The following IQCJ variants were observed in gnomAD, a reference collection of about 807,000 sequenced individuals.
IQCJ encodes the protein IQ motif containing J, also known as IQ domain-containing protein J.
A neutral mutation model predicts 11.0 loss-of-function variants in IQCJ; 9 were observed. The observed-to-expected ratio is 0.82, with a 90% CI of 0.49 to 1.43. IQCJ has a LOEUF of 1.43. Ranked by LOEUF, IQCJ falls within the 40% of genes most tolerant of loss-of-function variation. The probability of loss-of-function intolerance (pLI) is 0.00; values close to 1 mark genes in which losing one functional copy is unlikely to be tolerated. For missense variants in IQCJ, 146 were observed against 133.2 expected, an observed-to-expected ratio of 1.10 and a Z score of -0.47; for synonymous variants, 55 against 51.3, an observed-to-expected ratio of 1.07 and a Z score of -0.31.
intron 1 of IQCJ, among the ~76,000 whole-genome samples, chr3:159,138,379 C>G (rs1410816121): frequency 6.6e-6 from 1 of 152,152 alleles, no homozygotes; most frequent in Non-Finnish European, 1.5e-5. Flanking sequence ...TACTATCCTC[C>G]TTTTCATAGC....
chr3:159,160,891 A>G (rs1577050511), intron 1 of IQCJ, among the ~76,000 whole-genome samples: 2 of 152,136 alleles, frequency 1.3e-5, no homozygotes, highest in Non-Finnish European at 2.9e-5. Flanking sequence ...ATAGTATTCC[A>G]TGGTGTATAT....
rs1728298539 is a variant in IQCJ, at chr3:159,262,876, C to T, written c.*145C>T. On this transcript the variant is annotated 3_prime_UTR_variant, in exon 4 of 4. Transcript: ENST00000397832. Reference sequence around the variant, plus strand: ...AAAATAAAGACACAATTCATAAGCACAAAGTGAACTTTATCAAGTCTGGAG... The same window carrying T: ...AAAATAAAGACACAATTCATAAGCATAAAGTGAACTTTATCAAGTCTGGAG... The T allele has an allele frequency of 1.4e-6, 2 of 1,403,046 alleles. No individual in the cohort carries two copies. Among genetic ancestry groups the T allele is most frequent in the African/African-American group, 1.4e-5 (1 of 69,738 alleles). 86.9% of individuals were successfully genotyped at this position (1,403,046 alleles called of 1,614,324 possible).
intron 3 of IQCJ, among the ~76,000 whole-genome samples, chr3:159,259,053 C>T (rs1728059397): frequency 1.3e-5 from 2 of 152,104 alleles, no homozygotes; most frequent in Non-Finnish European, 2.9e-5. Flanking sequence ...CTCTAAGCAC[C>T]CTAGCTCTCT....
intron 2 of IQCJ, among the ~76,000 whole-genome samples, chr3:159,249,316 C>A (rs572023072): frequency 6.6e-6 from 1 of 152,164 alleles, no homozygotes; most frequent in Non-Finnish European, 1.5e-5. Context: ...TTTCCATCTG[C>A]CCCACCCTAC....
chr3:159,211,367 T>C (rs140950823), intron 1 of IQCJ, among the ~76,000 whole-genome samples: 3 of 152,286 alleles, frequency 2.0e-5, no homozygotes, highest in Non-Finnish European at 4.4e-5. Context: ...AAGGAGGTTA[T>C]GTAGATTATT....
intron 1 of IQCJ, among the ~76,000 whole-genome samples, chr3:159,203,959 A>G (rs1377610780): frequency 6.6e-6 from 1 of 152,120 alleles, no homozygotes; most frequent in Non-Finnish European, 1.5e-5. Context: ...TTGTATATTT[A>G]ACAGGGTCAG....
chr3:159,080,153 A>G (rs1716213471), intron 1 of IQCJ, among the ~76,000 whole-genome samples: 2 of 152,154 alleles, frequency 1.3e-5, no homozygotes, highest in South Asian at 2.1e-4. Flanking sequence ...ATATCTTAAG[A>G]CAGTATGTTA....
At chr3:159,231,781 G>T (rs1345048190) in intron 1 of IQCJ, among the ~76,000 whole-genome samples, 1 of 152,106 alleles carries the variant, frequency 6.6e-6, no homozygotes, top group East Asian at 1.9e-4. Context: ...TTGTTGGTAG[G>T]CTATTAATTA....
chr3:159,140,297 A>G (rs1304819451), intron 1 of IQCJ, among the ~76,000 whole-genome samples: 2 of 152,200 alleles, frequency 1.3e-5, no homozygotes, highest in African/African-American at 4.8e-5. Context: ...TAGCAATGAT[A>G]AAGGCCTTCT....
At chr3:159,221,227 C>T (rs914364198) in intron 1 of IQCJ, among the ~76,000 whole-genome samples, 3 of 152,068 alleles carry the variant, frequency 2.0e-5, no homozygotes, top group Non-Finnish European at 4.4e-5. Context: ...AGTGCTTAAC[C>T]TCTTGGAGTT....
intron 1 of IQCJ, among the ~76,000 whole-genome samples, chr3:159,181,136 G>A (rs1286317329): frequency 6.6e-6 from 1 of 151,776 alleles, no homozygotes. Context: ...CCTGGGCAAT[G>A]GAAACGAACA....
At chr3:159,109,938 A>C (rs962986982) in intron 1 of IQCJ, among the ~76,000 whole-genome samples, 3 of 152,204 alleles carry the variant, frequency 2.0e-5, no homozygotes, top group Non-Finnish European at 1.5e-5. Context: ...TTGCGTATGG[A>C]GCATCACTCC....
intron 1 of IQCJ, among the ~76,000 whole-genome samples, chr3:159,156,721 G>C (rs1290606739): frequency 6.6e-6 from 1 of 152,138 alleles, no homozygotes; most frequent in Non-Finnish European, 1.5e-5. Context: ...AGCTCCAGGT[G>C]TTCCACTTTT....
intron 1 of IQCJ, among the ~76,000 whole-genome samples, chr3:159,151,963 A>T (rs1721255228): frequency 1.3e-5 from 2 of 152,182 alleles, no homozygotes; most frequent in African/African-American, 2.4e-5. Flanking sequence ...GACTCCTTCT[A>T]AATATCAGAT....
At chr3:159,189,011 G>A (rs1723531365) in intron 1 of IQCJ, among the ~76,000 whole-genome samples, 1 of 152,126 alleles carries the variant, frequency 6.6e-6, no homozygotes. Flanking sequence ...GGTTGGGAGA[G>A]GGAATATTGT....
chr3:159,172,420 AT>A (rs11304078), intron 1 of IQCJ, among the ~76,000 whole-genome samples: 11,863 of 150,628 alleles, frequency 0.079, 1,599 homozygotes, highest in African/African-American at 0.27. Context: ...AGATGATGGA[AT>A]TTTTTTTTTC....
chr3:159,135,086 A>G (rs1474457485), intron 1 of IQCJ, among the ~76,000 whole-genome samples: 1 of 152,208 alleles, frequency 6.6e-6, no homozygotes, highest in African/African-American at 2.4e-5. Context: ...ATCTGAAGCC[A>G]GTTGGACTCA....
intron 1 of IQCJ, among the ~76,000 whole-genome samples, chr3:159,125,569 A>G (rs1719634080): frequency 6.6e-6 from 1 of 152,248 alleles, no homozygotes; most frequent in Admixed American, 6.5e-5. Context: ...TCTCTGTACT[A>G]CGTTTGTATT....
At chr3:159,170,574 G>A (rs1281497252) in intron 1 of IQCJ, among the ~76,000 whole-genome samples, 2 of 151,754 alleles carry the variant, frequency 1.3e-5, no homozygotes, top group African/African-American at 4.8e-5. Context: ...ACGATCTTTA[G>A]AAGATGAGAA....
Sources: gnomAD v4.1 joint callset for allele counts (sites outside exome capture counted in the v4.1 genomes callset) on GRCh38, gnomAD v4.1.1 for gene constraint, MANE v1.5 for transcripts, NCBI Gene and HGNC (gene_info 2026-07-23, HGNC 2026-07-21) for gene names.